ATXN7L1: variants seen among roughly 807,000 people sequenced by gnomAD.
ATXN7L1 encodes the protein ataxin 7 like 1, also known as ataxin-7-like protein 1.
ATXN7L1 carries 15 observed loss-of-function variants against 70.8 expected under a neutral mutation model. The observed-to-expected ratio is 0.21, with a 90% confidence interval of 0.14 to 0.33. The LOEUF is 0.33. Ranked by LOEUF, ATXN7L1 falls within the 10% of genes least tolerant of loss-of-function variation. The pLI is 1.00. For synonymous variants in ATXN7L1, 440 were observed against 445.1 expected, an observed-to-expected ratio of 0.99 and a Z score of 0.14; for missense variants, 975 against 1,097.1, an observed-to-expected ratio of 0.89 and a Z score of 1.57.
intron 9 of ATXN7L1, among the ~76,000 whole-genome samples, chr7:105,619,524 ATATATATTTTTTTTTTTTTTTTTTTTT>A (rs1364807807): frequency 2.3e-4 from 5 of 21,600 alleles, no homozygotes; most frequent in Admixed American, 6.4e-4. Context: ...ATATATATAT[ATATATATTTTTTTTTTTTTTTTTTTTT>A]TTTTTTTTTT....
At chr7:105,737,831 A>C (rs1342460262) in intron 3 of ATXN7L1, among the ~76,000 whole-genome samples, 1 of 152,226 alleles carries the variant, frequency 6.6e-6, no homozygotes, top group Admixed American at 6.5e-5. Context: ...TGAACTTTTA[A>C]GAATTTTGTG....
intron 3 of ATXN7L1, among the ~76,000 whole-genome samples, chr7:105,718,624 C>T (rs948133304): frequency 1.3e-5 from 2 of 152,176 alleles, no homozygotes; most frequent in Admixed American, 1.3e-4. Flanking sequence ...CTGCAGTTGA[C>T]GGCAGGAGCA....
chr7:105,617,556 T>G (rs1408785149), intron 9 of ATXN7L1, among the ~76,000 whole-genome samples: 1 of 151,998 alleles, frequency 6.6e-6, no homozygotes, highest in East Asian at 1.9e-4. Context: ...AGAAATAGGG[T>G]GAGGGGCATG....
intron 3 of ATXN7L1, among the ~76,000 whole-genome samples, chr7:105,728,912 A>G (rs1211685759): frequency 6.6e-6 from 1 of 152,222 alleles, no homozygotes; most frequent in African/African-American, 2.4e-5. Flanking sequence ...GTATTGGATT[A>G]TAACCCAAAG....
chr7:105,793,753 TTAGA>T (rs1244195469), intron 2 of ATXN7L1, among the ~76,000 whole-genome samples: 3 of 152,200 alleles, frequency 2.0e-5, no homozygotes, highest in Non-Finnish European at 4.4e-5. Context: ...AAACTGTGGA[TTAGA>T]TAGAGTGCTA....
chr7:105,667,682 G>A (rs1211700671), intron 3 of ATXN7L1, among the ~76,000 whole-genome samples: 1 of 82,082 alleles, frequency 1.2e-5, no homozygotes. Context: ...CTGGGCGACA[G>A]AGCGAGACTC....
chr7:105,766,940 A>C (rs904097994), intron 3 of ATXN7L1, among the ~76,000 whole-genome samples: 5 of 152,218 alleles, frequency 3.3e-5, no homozygotes, highest in African/African-American at 1.2e-4. Flanking sequence ...GTGGATTCAA[A>C]GACGCTTGCT....
chr7:105,765,516 T>C (rs1279928159), intron 3 of ATXN7L1, among the ~76,000 whole-genome samples: 1 of 152,090 alleles, frequency 6.6e-6, no homozygotes, highest in Non-Finnish European at 1.5e-5. Flanking sequence ...GAACCCAGAC[T>C]CATCTCTTAA....
chr7:105,610,500 T>C, intron 11 of ATXN7L1, 29 bp downstream of exon 11: 1 of 1,528,692 alleles, frequency 6.5e-7, no homozygotes, highest in South Asian at 1.2e-5. Flanking sequence ...ATATGAATTT[T>C]TGCCCCACCC....
Position 105,796,936 on chromosome 7 carries a change from T to C in ATXN7L1, c.251-8228A>G, listed in dbSNP as rs183556396. Among the ~76,000 whole-genome samples the C allele has an allele frequency of 1.0e-3, 153 of 152,346 alleles. 1 individual carries two copies. Among genetic ancestry groups the C allele is most frequent in the African/African-American group, 3.5e-3 (146 of 41,576 alleles). ...CATCTCCTACTTCCCCAGCAGAATG[T>C]TGAGCTCCCCTCTAGGAAAATGTGA... On this transcript the variant is annotated intron_variant, in intron 2 of 11. Transcript: ENST00000419735.
At chr7:105,793,115 T>C (rs1300990525) in intron 2 of ATXN7L1, among the ~76,000 whole-genome samples, 1 of 152,236 alleles carries the variant, frequency 6.6e-6, no homozygotes, top group African/African-American at 2.4e-5. Context: ...GCTTCTTACG[T>C]AGAACAACAT....
intron 3 of ATXN7L1, among the ~76,000 whole-genome samples, chr7:105,778,176 C>T (rs1803002210): frequency 1.3e-5 from 2 of 151,988 alleles, no homozygotes; most frequent in South Asian, 4.2e-4. Context: ...AAGAAATAGG[C>T]TTTGATGAGA....
chr7:105,789,644 C>T (rs903069401), intron 2 of ATXN7L1, among the ~76,000 whole-genome samples: 12 of 152,048 alleles, frequency 7.9e-5, no homozygotes, highest in Admixed American at 3.3e-4. Context: ...GGAGTCTTGG[C>T]GCCTCTTGGC....
intron 2 of ATXN7L1, among the ~76,000 whole-genome samples, chr7:105,834,168 A>G (rs1044831907): frequency 6.6e-6 from 1 of 152,010 alleles, no homozygotes; most frequent in African/African-American, 2.4e-5. Context: ...TCAGCCTCCC[A>G]AGTAGCTGGG....
intron 4 of ATXN7L1, among the ~76,000 whole-genome samples, chr7:105,664,438 C>G (rs564811030): frequency 1.3e-5 from 2 of 148,296 alleles, no homozygotes; most frequent in Non-Finnish European, 1.5e-5. Context: ...TCTACTCTGT[C>G]TCAAATATAT....
intron 7 of ATXN7L1, among the ~76,000 whole-genome samples, chr7:105,631,211 G>A (rs1277241163): frequency 6.6e-6 from 1 of 152,158 alleles, no homozygotes; most frequent in Non-Finnish European, 1.5e-5. Flanking sequence ...AAGCATATGA[G>A]ATTTTAACAT....
At chr7:105,615,173 C>CT (rs773598760) in intron 9 of ATXN7L1, among the ~76,000 whole-genome samples, 11 of 152,116 alleles carry the variant, frequency 7.2e-5, no homozygotes, top group Admixed American at 1.3e-4. Context: ...CCCCAACTCT[C>CT]TTTTTTTGGC....
intron 9 of ATXN7L1, among the ~76,000 whole-genome samples, chr7:105,619,240 C>T (rs1348501719): frequency 2.2e-5 from 3 of 134,940 alleles, no homozygotes; most frequent in Admixed American, 8.5e-5. Flanking sequence ...CTCTGCCTTC[C>T]GGGTTCAAGC....
chr7:105,860,744 T>TA (rs1195025793), intron 2 of ATXN7L1, among the ~76,000 whole-genome samples: 2 of 152,118 alleles, frequency 1.3e-5, no homozygotes, highest in Non-Finnish European at 2.9e-5. Context: ...ACAATTTTCT[T>TA]AAAAAAAGAA....
Sources: allele counts gnomAD v4.1 joint callset (sites outside exome capture counted in the v4.1 genomes callset), GRCh38; gene constraint gnomAD v4.1.1; transcripts MANE v1.5; gene names NCBI Gene and HGNC (gene_info 2026-07-23, HGNC 2026-07-21).